The following BCL2L1 variants were observed in gnomAD, a reference collection of about 807,000 sequenced individuals.
BCL2L1 encodes BCL2 like 1, also known as bcl-2-like protein 1.
In BCL2L1, 1 loss-of-function variant was observed where a neutral mutation model predicts 18.7. The observed-to-expected ratio is 0.05, with a 90% confidence interval of 0.02 to 0.25. The LOEUF (loss-of-function observed/expected upper bound fraction) is 0.25. BCL2L1 is among the 10% of genes least tolerant of loss of function. The pLI is 1.00. For missense variants in BCL2L1, 207 were observed against 304.9 expected, an observed-to-expected ratio of 0.68 and a Z score of 2.39; for synonymous variants, 103 against 122.7, an observed-to-expected ratio of 0.84 and a Z score of 1.06.
chr20:31,709,327 G>A (rs1328467194), intron 2 of BCL2L1, among the ~76,000 whole-genome samples: 11 of 152,228 alleles, frequency 7.2e-5, no homozygotes, highest in African/African-American at 2.4e-4. Context: ...GTGTGTGTGT[G>A]TGCGCGCGTG....
intron 2 of BCL2L1, among the ~76,000 whole-genome samples, chr20:31,715,884 C>T (rs431686): frequency 0.98 from 149,405 of 152,212 alleles, 73,335 homozygotes; most frequent in East Asian, 1. Context: ...CAGGTTGGAG[C>T]GCAGTGGCTT....
intron 2 of BCL2L1, among the ~76,000 whole-genome samples, chr20:31,686,669 C>G (rs1038666953): frequency 6.6e-6 from 1 of 152,144 alleles, no homozygotes; most frequent in Non-Finnish European, 1.5e-5. Flanking sequence ...CCCTCCAGGC[C>G]ACCCAGCATG....
intron 2 of BCL2L1, among the ~76,000 whole-genome samples, chr20:31,683,488 G>A (rs1021298537): frequency 2.6e-5 from 4 of 152,108 alleles, no homozygotes; most frequent in Non-Finnish European, 4.4e-5. Context: ...CTTCATGATG[G>A]CCCGGCGCAG....
chr20:31,679,248 A>G (rs1051993743), intron 2 of BCL2L1, among the ~76,000 whole-genome samples: 1 of 152,178 alleles, frequency 6.6e-6, no homozygotes, highest in African/African-American at 2.4e-5. Flanking sequence ...TTCACAGTCA[A>G]TACCCAGAGC....
chr20:31,721,494 G>A (rs1337659985), intron 2 of BCL2L1, 161 bp downstream of exon 2: 9 of 811,552 alleles, frequency 1.1e-5, no homozygotes, highest in Non-Finnish European at 1.7e-5. Flanking sequence ...TATTTCCAAG[G>A]AGTTAACCTC....
intron 2 of BCL2L1, among the ~76,000 whole-genome samples, chr20:31,687,676 C>CAAAAA (rs60094670): frequency 1.2e-5 from 1 of 81,488 alleles, no homozygotes; most frequent in African/African-American, 4.1e-5. Flanking sequence ...GACTCTGTCT[C>CAAAAA]AAAAAAAAAA....
intron 2 of BCL2L1, among the ~76,000 whole-genome samples, chr20:31,704,740 T>C (rs1244518042): frequency 6.6e-6 from 1 of 152,152 alleles, no homozygotes; most frequent in Non-Finnish European, 1.5e-5. Context: ...CTCTCTGGAA[T>C]GCACCCCCCC....
chr20:31,690,955 C>A (rs1778817925), intron 2 of BCL2L1, among the ~76,000 whole-genome samples: 2 of 151,510 alleles, frequency 1.3e-5, no homozygotes, highest in African/African-American at 4.9e-5. Context: ...TTGAGACCAG[C>A]CTGGCCAACA....
In BCL2L1 at chr20:31,711,560, C is replaced by A. The variant is rs1160024085; in HGVS notation, c.564+10095G>T. 2.0e-5 allele frequency among the ~76,000 whole-genome samples: 3 copies of A among 152,226 alleles called. No homozygotes were observed. The East Asian group carries it at 5.8e-4, about 29-fold the overall frequency. The stretch of plus-strand genomic sequence containing the variant: ...AGTTACCACAATATCCACAGTATCA[C>A]TAGCATTTAGCACATTACAAAGCAT... On this transcript the variant is annotated intron_variant, in intron 2 of 2. Transcript: ENST00000307677.
chr20:31,723,781 C>A (rs2061673667), upstream of BCL2L1: 1 of 985,472 alleles, frequency 1.0e-6, no homozygotes, highest in Non-Finnish European at 1.2e-6. Flanking sequence ...CTTCATCGGC[C>A]CGGTAGCTTC....
intron 2 of BCL2L1, among the ~76,000 whole-genome samples, chr20:31,667,455 C>T (rs1268995335): frequency 9.1e-6 from 1 of 109,712 alleles, no homozygotes; most frequent in South Asian, 2.6e-4. Flanking sequence ...AGACTCCGTT[C>T]AAAAAAAAAA....
chr20:31,721,250 A>AT (rs1236388794), intron 2 of BCL2L1, among the ~76,000 whole-genome samples: 1 of 152,212 alleles, frequency 6.6e-6, no homozygotes, highest in Non-Finnish European at 1.5e-5. Flanking sequence ...TCTGTGGGTC[A>AT]TTGATGCTCA....
intron 2 of BCL2L1, 62 bp from the exon 3 acceptor site, chr20:31,666,148 G>A: frequency 6.3e-7 from 1 of 1,588,684 alleles, no homozygotes; most frequent in African/African-American, 1.3e-5. Context: ...GGTGGGTGGG[G>A]AAAGGGGCCA....
chr20:31,715,751 T>A (rs551935900), intron 2 of BCL2L1, among the ~76,000 whole-genome samples: 1 of 147,668 alleles, frequency 6.8e-6, no homozygotes, highest in East Asian at 2.0e-4. Context: ...GAAATTCACA[T>A]CTAAAAAGGA....
chr20:31,715,105 TACTA>T (rs2061509582), intron 2 of BCL2L1, among the ~76,000 whole-genome samples: 1 of 151,966 alleles, frequency 6.6e-6, no homozygotes, highest in Non-Finnish European at 1.5e-5. Flanking sequence ...AAACCCCGTC[TACTA>T]AAAATACCAA....
chr20:31,684,705 G>C (rs572576896), intron 2 of BCL2L1, among the ~76,000 whole-genome samples: 1 of 152,242 alleles, frequency 6.6e-6, no homozygotes, highest in South Asian at 2.1e-4. Context: ...ATGAGCCCTC[G>C]GGGATCCAAA....
At chr20:31,683,586 C>T (rs909628176) in intron 2 of BCL2L1, among the ~76,000 whole-genome samples, 8 of 151,850 alleles carry the variant, frequency 5.3e-5, no homozygotes, top group Non-Finnish European at 8.8e-5. Flanking sequence ...CTGGCCAACA[C>T]AGTGAAACCC....
intron 2 of BCL2L1, 40 bp downstream of exon 2, chr20:31,721,615 A>C: frequency 6.5e-7 from 1 of 1,541,308 alleles, no homozygotes; most frequent in East Asian, 2.3e-5. Context: ...CTCTGACCAG[A>C]GGCCAAAGAA....
intron 2 of BCL2L1, among the ~76,000 whole-genome samples, chr20:31,704,922 A>C (rs1220697309): frequency 1.3e-5 from 2 of 152,220 alleles, no homozygotes. Flanking sequence ...TTTTATGAGT[A>C]TTATGTTGGT....
Sources: allele counts gnomAD v4.1 joint callset (sites outside exome capture counted in the v4.1 genomes callset), GRCh38; gene constraint gnomAD v4.1.1; transcripts MANE v1.5; gene names NCBI Gene and HGNC (gene_info 2026-07-23, HGNC 2026-07-21).